The following DOCK10 variants were observed in gnomAD, a reference collection of about 807,000 sequenced individuals.
The protein encoded by DOCK10 is dedicator of cytokinesis 10.
DOCK10 carries 145 observed loss-of-function variants against 280.1 expected under a neutral mutation model. That is an observed-to-expected ratio of 0.52 (90% CI 0.45 to 0.59). The LOEUF (loss-of-function observed/expected upper bound fraction) is 0.59, where lower values mean the gene tolerates loss of function less well. DOCK10 is among the 20% of genes least tolerant of loss of function. The pLI, the probability that DOCK10 is intolerant of heterozygous loss-of-function variation, is 0.00. For synonymous variants in DOCK10, 915 were observed against 942.2 expected, an observed-to-expected ratio of 0.97 and a Z score of 0.53; for missense variants, 2,368 against 2,651.7, an observed-to-expected ratio of 0.89 and a Z score of 2.35.
At chr2:224,823,440 G>C in intron 28 of DOCK10, 61 bp downstream of exon 28, 1 of 1,393,584 alleles carries the variant, frequency 7.2e-7, no homozygotes, top group Non-Finnish European at 9.5e-7. Context: ...TGAAAGTTTA[G>C]ACTATCTTGC....
chr2:224,885,347 T>C (rs1699215504), intron 7 of DOCK10, among the ~76,000 whole-genome samples: 1 of 152,220 alleles, frequency 6.6e-6, no homozygotes, highest in Non-Finnish European at 1.5e-5. Context: ...TCTTCAAAAA[T>C]GCTCTTCTCC....
At chr2:225,037,462 C>G (rs1451620332) in intron 1 of DOCK10, among the ~76,000 whole-genome samples, 1 of 152,148 alleles carries the variant, frequency 6.6e-6, no homozygotes, top group African/African-American at 2.4e-5. Flanking sequence ...ACGTCAGCTA[C>G]TCATATCCAC....
At chr2:224,962,947 A>G (rs1272290704) in intron 1 of DOCK10, among the ~76,000 whole-genome samples, 2 of 152,188 alleles carry the variant, frequency 1.3e-5, no homozygotes, top group Non-Finnish European at 2.9e-5. Flanking sequence ...TTTAAGGTAT[A>G]TGAATTTGTT....
At chr2:224,990,598 A>T (rs73993947) in intron 1 of DOCK10, among the ~76,000 whole-genome samples, 1 of 122,276 alleles carries the variant, frequency 8.2e-6, no homozygotes, top group Non-Finnish European at 1.5e-5. Context: ...TTTTTGTTGT[A>T]GTTGTTGTTG....
intron 2 of DOCK10, among the ~76,000 whole-genome samples, chr2:224,928,418 A>G (rs1032701035): frequency 6.6e-6 from 1 of 152,152 alleles, no homozygotes; most frequent in Non-Finnish European, 1.5e-5. Context: ...CAGAATTTGA[A>G]TTTCAGATAA....
chr2:225,020,132 T>A (rs2106098138), intron 1 of DOCK10, among the ~76,000 whole-genome samples: 1 of 152,236 alleles, frequency 6.6e-6, no homozygotes, highest in South Asian at 2.1e-4. Flanking sequence ...TTCTTTCCCA[T>A]CTAGAACACT....
intron 18 of DOCK10, among the ~76,000 whole-genome samples, chr2:224,850,940 T>C (rs1198435406): frequency 6.6e-6 from 1 of 152,166 alleles, no homozygotes; most frequent in African/African-American, 2.4e-5. Context: ...GGTAGTATCT[T>C]TATAGCAGTG....
chr2:224,798,954 T>C (rs1340264996), intron 41 of DOCK10, among the ~76,000 whole-genome samples: 1 of 152,178 alleles, frequency 6.6e-6, no homozygotes, highest in Non-Finnish European at 1.5e-5. Context: ...CGTAATGTAC[T>C]AGCCTAGGTG....
intron 1 of DOCK10, among the ~76,000 whole-genome samples, chr2:224,941,940 C>T (rs1200441515): frequency 6.6e-6 from 1 of 151,930 alleles, no homozygotes; most frequent in Non-Finnish European, 1.5e-5. Flanking sequence ...TGTCAACATC[C>T]ACAATGACAA....
intron 4 of DOCK10, among the ~76,000 whole-genome samples, chr2:224,887,120 A>C (rs961176867): frequency 6.6e-6 from 1 of 152,156 alleles, no homozygotes; most frequent in Non-Finnish European, 1.5e-5. Flanking sequence ...CAAGCAGGAC[A>C]ATTTGAAAGG....
chr2:224,848,099 G>T (rs962831295), intron 19 of DOCK10, among the ~76,000 whole-genome samples: 16 of 152,188 alleles, frequency 1.1e-4, no homozygotes, highest in African/African-American at 3.6e-4. Context: ...GCAGCCTCTG[G>T]AAGCTGGAAA....
intron 3 of DOCK10, among the ~76,000 whole-genome samples, chr2:224,902,256 C>A (rs1700342545): frequency 2.0e-5 from 3 of 152,116 alleles, no homozygotes; most frequent in African/African-American, 4.8e-5. Context: ...TAGTAATAAG[C>A]AAGTAACATT....
Position 224,770,443 on chromosome 2 carries a change from T to C in DOCK10, c.6306-94A>G, listed in dbSNP as rs1043279022. 5.8e-6 allele frequency: 9 copies of C among 1,560,420 alleles called. No homozygotes were observed. In the East Asian group the frequency reaches 2.0e-4, roughly 35 times the overall value. On this transcript the variant is annotated intron_variant, in intron 54 of 55. Coordinates refer to ENST00000258390, the MANE Select transcript of DOCK10 (RefSeq NM_014689.3). The surrounding 1 kb of genome is among the most constrained non-coding windows in gnomAD (Gnocchi z 4.5). ...GTTCAGAGTCAGGCTGCTGATGGAC[T>C]CTGCCACCTCAGTGAGTTTTGGTGT...
chr2:224,773,364 C>A lies in DOCK10; in HGVS notation c.6014-17G>T, dbSNP rs778992302. 1.9e-6 allele frequency: 3 copies of A among 1,595,774 alleles called. No individual in the cohort carries two copies. Among genetic ancestry groups the A allele is most frequent in the Non-Finnish European group, 2.6e-6 (3 of 1,170,246 alleles). On this transcript the variant is annotated splice_polypyrimidine_tract_variant and intron_variant, in intron 52 of 55. Transcript: ENST00000258390. Reference sequence around the variant, plus strand: ...GGTGACTCGCTGTACAAAAGCCATACAAAGGGATTTCAAGGTTGAGGATTA... The same window carrying A: ...GGTGACTCGCTGTACAAAAGCCATAAAAAGGGATTTCAAGGTTGAGGATTA...
chr2:225,001,313 G>A (rs930276442), intron 1 of DOCK10, among the ~76,000 whole-genome samples: 5 of 117,406 alleles, frequency 4.3e-5, no homozygotes, highest in Non-Finnish European at 6.5e-5. Context: ...TTTTTGAGAC[G>A]GAGTCTCGCT....
intron 3 of DOCK10, among the ~76,000 whole-genome samples, chr2:224,901,084 A>G (rs1376112409): frequency 6.6e-6 from 1 of 152,222 alleles, no homozygotes; most frequent in Non-Finnish European, 1.5e-5. Context: ...TTTCTCCTAC[A>G]TAGTTATGGC....
intron 27 of DOCK10, 79 bp downstream of exon 27, chr2:224,830,462 T>A (rs1695152043): frequency 1.3e-6 from 1 of 759,642 alleles, no homozygotes; most frequent in Admixed American, 3.5e-5. Flanking sequence ...AAAATGGAAC[T>A]CATGACAGCA....
Position 224,886,144 on chromosome 2 carries a change from C to T in DOCK10, c.531G>A (p.Ala177=), listed in dbSNP as rs2304336. Residue 177 remains alanine, a synonymous_variant, in exon 6 of 56, where the codon GCG becomes GCA. Transcript: ENST00000258390. ...CGGACTTGAAAACACCAGTTCCTCC[C>T]GCTCCTCCACCCCCCTTGGAAGACG... ...SHSSSKGGGG[A]GGTGVFKSGW... is the part of the protein sequence containing the mutation. 0.17 allele frequency: 269,846 copies of T among 1,613,484 alleles called. 27,246 individuals are homozygous for T. The highest frequency in any genetic ancestry group is 0.49 in the African/African-American group (36,459 of 74,814).
In DOCK10 at chr2:225,020,986, C is replaced by T. The variant is rs557350854; in HGVS notation, c.123+21266G>A. Among the ~76,000 whole-genome samples, 3 of 152,314 alleles carry T rather than the reference C, an allele frequency of 2.0e-5. No homozygotes were observed. In the East Asian group the frequency reaches 5.8e-4, roughly 29 times the overall value. ...TCAGCATTTGGTTTCAGGAGCTACA[C>T]TTTGGGGGCCAGTTGACAACAATCA... On this transcript the variant is annotated intron_variant, in intron 1 of 55. Transcript: ENST00000258390.
Sources: allele counts gnomAD v4.1 joint callset (sites outside exome capture counted in the v4.1 genomes callset), GRCh38; gene constraint gnomAD v4.1.1; non-coding constraint Gnocchi (gnomAD v3.1); transcripts MANE v1.5; gene names NCBI Gene and HGNC (gene_info 2026-07-23, HGNC 2026-07-21).